The following TRIM44 variants were observed in gnomAD, a reference collection of about 807,000 sequenced individuals.
TRIM44 encodes the protein tripartite motif-containing protein 44.
TRIM44 carries 13 observed loss-of-function variants against 37.4 expected under a neutral mutation model. That is an observed-to-expected ratio of 0.35 (90% confidence interval 0.23 to 0.55). TRIM44 has a LOEUF of 0.55. TRIM44 is among the 20% of genes least tolerant of loss of function. The probability of loss-of-function intolerance (pLI) is 0.89; values close to 1 mark genes in which losing one functional copy is unlikely to be tolerated. For missense variants in TRIM44, 426 were observed against 437.2 expected (o/e 0.97, Z 0.23); for synonymous variants, 175 against 157.2 (o/e 1.11, Z -0.85).
intron 4 of TRIM44, among the ~76,000 whole-genome samples, chr11:35,798,976 A>G (rs1276224651): frequency 1.3e-5 from 2 of 152,214 alleles, no homozygotes; most frequent in East Asian, 3.8e-4. Context: ...TACAGAAAGT[A>G]AAAAGCAACA....
chr11:35,707,277 T>A (rs1851898402), intron 2 of TRIM44, among the ~76,000 whole-genome samples: 1 of 152,150 alleles, frequency 6.6e-6, no homozygotes, highest in Admixed American at 6.5e-5. Flanking sequence ...TACGAAGAAA[T>A]GGAAGAACAT....
At position 35,806,500 on chromosome 11, in the gene TRIM44, A is replaced by G; in HGVS notation, c.*115A>G. 8.8e-7 allele frequency: 1 copy of G among 1,139,758 alleles called. No individual in the cohort carries two copies. Among genetic ancestry groups the G allele is most frequent in the Non-Finnish European group, 1.3e-6 (1 of 755,344 alleles). 70.6% of individuals were successfully genotyped at this position (1,139,758 alleles called of 1,614,324 possible). ...GCTCAGCAACAAACGTACTTCCACC[A>G]GATGTGTCCCCAGATCCACAGCAGG... On this transcript the variant is annotated 3_prime_UTR_variant, in exon 5 of 5. Coordinates refer to ENST00000299413, the MANE Select transcript of TRIM44 (RefSeq NM_017583.6).
At chr11:35,777,386 T>C (rs2133869647) in intron 4 of TRIM44, among the ~76,000 whole-genome samples, 1 of 152,334 alleles carries the variant, frequency 6.6e-6, no homozygotes, top group Non-Finnish European at 1.5e-5. Flanking sequence ...TACAGCACAC[T>C]GATGGGTCTT....
chr11:35,765,812 A>T (rs1428928512), intron 4 of TRIM44, among the ~76,000 whole-genome samples: 4 of 152,122 alleles, frequency 2.6e-5, no homozygotes, highest in African/African-American at 9.7e-5. Flanking sequence ...AACAAAATTT[A>T]GTTTCTTTTT....
chr11:35,778,630 A>C (rs1702855654), intron 4 of TRIM44, among the ~76,000 whole-genome samples: 1 of 152,190 alleles, frequency 6.6e-6, no homozygotes, highest in South Asian at 2.1e-4. Context: ...GGTGACGTAC[A>C]GATGGGGTTT....
chr11:35,762,754 G>T (rs1020257233), intron 4 of TRIM44, among the ~76,000 whole-genome samples: 6 of 152,080 alleles, frequency 3.9e-5, no homozygotes, highest in African/African-American at 1.4e-4. Flanking sequence ...AGAGGTTCTG[G>T]GTTTGAATTC....
chr11:35,734,314 A>G (rs1275437383), intron 3 of TRIM44, among the ~76,000 whole-genome samples: 2 of 152,192 alleles, frequency 1.3e-5, no homozygotes, highest in African/African-American at 4.8e-5. Context: ...TATTTCATTT[A>G]ATCCTCATAC....
At chr11:35,709,161 G>A (rs1232655497) in intron 2 of TRIM44, among the ~76,000 whole-genome samples, 1 of 152,114 alleles carries the variant, frequency 6.6e-6, no homozygotes, top group Non-Finnish European at 1.5e-5. Context: ...AATTTTTGGA[G>A]GCTCTCATTT....
chr11:35,714,097 A>G (rs1209821043), intron 2 of TRIM44, among the ~76,000 whole-genome samples: 1 of 152,132 alleles, frequency 6.6e-6, no homozygotes, highest in Non-Finnish European at 1.5e-5. Context: ...CCCTTGGGAA[A>G]TTAGATCTAA....
intron 2 of TRIM44, among the ~76,000 whole-genome samples, chr11:35,712,475 G>A (rs1292630806): frequency 6.6e-6 from 1 of 151,924 alleles, no homozygotes; most frequent in Non-Finnish European, 1.5e-5. Context: ...CTTTCTTACT[G>A]GAGCCCCAGA....
intron 2 of TRIM44, among the ~76,000 whole-genome samples, chr11:35,691,382 C>T (rs1851634622): frequency 6.6e-6 from 1 of 152,216 alleles, no homozygotes; most frequent in South Asian, 2.1e-4. Flanking sequence ...TTACCCCTCT[C>T]ATCCTCCCCT....
At chr11:35,668,458 A>T (rs1276623801) in intron 1 of TRIM44, among the ~76,000 whole-genome samples, 2 of 152,238 alleles carry the variant, frequency 1.3e-5, no homozygotes, top group African/African-American at 4.8e-5. Flanking sequence ...AAGTGAGAAG[A>T]TGCAGCATTT....
intron 1 of TRIM44, among the ~76,000 whole-genome samples, chr11:35,677,007 C>T (rs1002304163): frequency 3.9e-5 from 6 of 152,168 alleles, no homozygotes; most frequent in Non-Finnish European, 8.8e-5. Context: ...TAACAAATAG[C>T]TGTCATTTAT....
intron 1 of TRIM44, among the ~76,000 whole-genome samples, chr11:35,680,039 C>A (rs1012779644): frequency 6.6e-6 from 1 of 152,110 alleles, no homozygotes; most frequent in East Asian, 1.9e-4. Flanking sequence ...AATTTTATAT[C>A]GTTTTGAGGA....
intron 2 of TRIM44, among the ~76,000 whole-genome samples, chr11:35,709,694 C>A (rs1208435427): frequency 2.6e-5 from 4 of 152,136 alleles, no homozygotes; most frequent in East Asian, 1.9e-4. Flanking sequence ...AGACAACTTA[C>A]ACTCCCCAGC....
intron 1 of TRIM44, among the ~76,000 whole-genome samples, chr11:35,669,088 G>C (rs955548756): frequency 1.3e-5 from 2 of 151,964 alleles, no homozygotes; most frequent in African/African-American, 2.4e-5. Context: ...TTTGTGCTGG[G>C]TTCTGTGTAG....
At chr11:35,689,111 A>G (rs1158211047) in intron 2 of TRIM44, among the ~76,000 whole-genome samples, 1 of 152,184 alleles carries the variant, frequency 6.6e-6, no homozygotes, top group Non-Finnish European at 1.5e-5. Context: ...TTACACTGTC[A>G]CTTCCAACAG....
chr11:35,731,566 T>C (rs1410588331), intron 3 of TRIM44, among the ~76,000 whole-genome samples: 6 of 152,210 alleles, frequency 3.9e-5, no homozygotes, highest in Non-Finnish European at 7.3e-5. Context: ...TAGGATTATG[T>C]TGGCTTCATA....
intron 1 of TRIM44, among the ~76,000 whole-genome samples, chr11:35,679,591 T>C (rs1487058964): frequency 2.0e-5 from 3 of 152,182 alleles, no homozygotes; most frequent in Admixed American, 2.0e-4. Flanking sequence ...TTGCTTTGCC[T>C]AAAGTGAGTA....
Sources: gnomAD v4.1 joint callset for allele counts (sites outside exome capture counted in the v4.1 genomes callset) on GRCh38, gnomAD v4.1.1 for gene constraint, MANE v1.5 for transcripts, NCBI Gene and HGNC (gene_info 2026-07-23, HGNC 2026-07-21) for gene names.